Variants in ASIC4 observed in about 807,000 individuals in gnomAD.
ASIC4 encodes acid sensing ion channel subunit family member 4, also known as acid-sensing ion channel 4.
ASIC4 carries 28 observed loss-of-function variants against 53.4 expected under a neutral mutation model. That is an observed-to-expected ratio of 0.52 (90% confidence interval 0.39 to 0.72). ASIC4 has a LOEUF of 0.72. Ranked by LOEUF, ASIC4 falls within the 30% of genes least tolerant of loss-of-function variation. The pLI, the probability that ASIC4 is intolerant of heterozygous loss-of-function variation, is 0.00. For synonymous variants in ASIC4, 289 were observed against 301.4 expected (o/e 0.96, Z 0.43); for missense variants, 649 against 729.7 (o/e 0.89, Z 1.27).
chr2:219,532,947 C>T lies in ASIC4; in HGVS notation c.1075+8C>T. On this transcript the variant is annotated splice_region_variant and intron_variant, in intron 5 of 9. Coordinates refer to ENST00000358078, the MANE Select transcript of ASIC4 (RefSeq NM_018674.6). ...GTGCAGACCACACACTGGGTCCGTG[C>T]TGCCTACCCTTTCCTACCTCTCCAT... 1.9e-6 allele frequency: 3 copies of T among 1,613,666 alleles called. No individual in the cohort carries two copies. The highest frequency in any genetic ancestry group is 2.2e-5 in the South Asian group (2 of 91,080).
At chr2:219,533,811 T>C (rs1484112728) in intron 5 of ASIC4, 3 of 151,678 alleles carry the variant, frequency 2.0e-5, no homozygotes, top group African/African-American at 7.3e-5. Flanking sequence ...GGTCTGTGGA[T>C]CACTTGAGCC....
chr2:219,535,569 A>G (rs1161161102), intron 6 of ASIC4, among the ~76,000 whole-genome samples: 5 of 151,278 alleles, frequency 3.3e-5, no homozygotes, highest in Non-Finnish European at 7.4e-5. Context: ...GTGTGTGTGC[A>G]TGCACACTTA....
At chr2:219,527,512 G>A (rs1398913533) in intron 1 of ASIC4, among the ~76,000 whole-genome samples, 1 of 152,150 alleles carries the variant, frequency 6.6e-6, no homozygotes, top group Non-Finnish European at 1.5e-5. Context: ...ACCAGGTAGG[G>A]ACGCTGCCCC....
chr2:219,515,410 C>T (rs759066459), intron 1 of ASIC4, 104 bp downstream of exon 1: 57 of 1,363,484 alleles, frequency 4.2e-5, no homozygotes, highest in Non-Finnish European at 5.3e-5. Flanking sequence ...CAGGGCTTCC[C>T]TTCATTCCAC....
chr2:219,525,265 A>G (rs1327137448), intron 1 of ASIC4, among the ~76,000 whole-genome samples: 1 of 152,226 alleles, frequency 6.6e-6, no homozygotes, highest in African/African-American at 2.4e-5. Flanking sequence ...CACTTTGCAA[A>G]TGCCTTTCAC....
At chr2:219,511,929 G>A (rs1046883176), upstream of ASIC4, among the ~76,000 whole-genome samples, 1 of 152,020 alleles carries the variant, frequency 6.6e-6, no homozygotes, top group Non-Finnish European at 1.5e-5. The surrounding 1 kb of genome is among the most constrained non-coding windows in gnomAD (Gnocchi z 5.3). Context: ...CGGGGCCAGA[G>A]GCAAAGGGGG....
Position 219,538,007 on chromosome 2 carries a change from CGGTCCCCCAG to C in ASIC4, c.1583_1592del (p.Gly528GlufsTer14). 2 of 1,613,364 alleles carry C rather than the reference CGGTCCCCCAG, an allele frequency of 1.2e-6. No homozygotes were observed. Among genetic ancestry groups the C allele is most frequent in the East Asian group, 4.5e-5 (2 of 44,852 alleles). On this transcript the variant is annotated frameshift_variant, in exon 10 of 10. Transcript: ENST00000358078. LOFTEE classifies it high-confidence loss of function. ...TGCTCCCCAATCACCACCACCCCCACGGTCCCCCAGGAGGTCTCTTTGAAGATTTTGCTTG... is the reference window on the plus strand; with the variant it reads ...TGCTCCCCAATCACCACCACCCCCACGAGGTCTCTTTGAAGATTTTGCTTG...
rs1201804033 is a variant in ASIC4, at chr2:219,514,656, G to A, written c.-69G>A. On this transcript the variant is annotated 5_prime_UTR_variant, in exon 1 of 10. Transcript: ENST00000358078. ...GCTGCCACCACTGCCACTCGGGAGG[G>A]CACCAGGGCTGCTGGCTAGGGAGGG... 14 of 1,612,836 alleles carry A rather than the reference G, an allele frequency of 8.7e-6. No individual in the cohort carries two copies. The highest frequency in any genetic ancestry group is 1.7e-5 in the Admixed American group (1 of 59,892).
Position 219,514,608 on chromosome 2 carries a change from G to T in ASIC4, c.-117G>T. 1 of 1,603,850 alleles carries T rather than the reference G, an allele frequency of 6.2e-7. No homozygotes were observed. Among genetic ancestry groups the T allele is most frequent in the Non-Finnish European group, 8.5e-7 (1 of 1,175,308 alleles). ...CCCTGTCCCTGTCCTCTTCCCGCTT[G>T]CCCTGAGTTTAGAAGAGCAGCCGCT... On this transcript the variant is annotated 5_prime_UTR_variant, in exon 1 of 10. Transcript: ENST00000358078.
intron 3 of ASIC4, 39 bp from the exon 4 acceptor site, chr2:219,532,276 G>C (rs1305887488): frequency 6.3e-7 from 1 of 1,599,704 alleles, no homozygotes. Flanking sequence ...GACTGGGTGG[G>C]ATTCCTGAGC....
intron 6 of ASIC4, among the ~76,000 whole-genome samples, chr2:219,535,603 G>T (rs1364744442): frequency 2.0e-5 from 3 of 151,530 alleles, no homozygotes; most frequent in African/African-American, 7.3e-5. Flanking sequence ...CTGTGAATGG[G>T]TATGTGTGTG....
At chr2:219,509,445 G>A (rs904115126), upstream of ASIC4, among the ~76,000 whole-genome samples, 22 of 152,104 alleles carry the variant, frequency 1.4e-4, no homozygotes, top group African/African-American at 4.6e-4. This position sits in a 1 kb window ranked among gnomAD's most constrained non-coding sequence, Gnocchi z 5.2. Flanking sequence ...ACTGACACAC[G>A]CTCCCTCGTG....
intron 6 of ASIC4, among the ~76,000 whole-genome samples, chr2:219,535,875 C>T (rs188629144): frequency 2.0e-5 from 3 of 151,178 alleles, no homozygotes; most frequent in African/African-American, 4.9e-5. Flanking sequence ...CAGGTTCAAG[C>T]GATTCTTCTC....
At chr2:219,524,826 A>C (rs1694939390) in intron 1 of ASIC4, among the ~76,000 whole-genome samples, 1 of 152,224 alleles carries the variant, frequency 6.6e-6, no homozygotes. Context: ...GAGAGCCTGC[A>C]AGGTGCTTGA....
chr2:219,523,547 T>C (rs1405433446), intron 1 of ASIC4, among the ~76,000 whole-genome samples: 2 of 152,206 alleles, frequency 1.3e-5, no homozygotes, highest in African/African-American at 4.8e-5. Context: ...TATGCACGTG[T>C]AGAACTAAGC....
At chr2:219,508,475 G>A in the ASIC4 span, among the ~76,000 whole-genome samples, 3 of 152,080 alleles carry the variant, frequency 2.0e-5, no homozygotes, top group Non-Finnish European at 2.9e-5. Flanking sequence ...GGTGCCGCTA[G>A]CAAAGCTGAG....
chr2:219,508,578 C>T, the ASIC4 span, among the ~76,000 whole-genome samples: 1 of 151,870 alleles, frequency 6.6e-6, no homozygotes, highest in East Asian at 1.9e-4. Context: ...AGGACATGCC[C>T]CCCCCACTCC....
chr2:219,519,973 G>T (rs1191227230), intron 1 of ASIC4, among the ~76,000 whole-genome samples: 1 of 152,096 alleles, frequency 6.6e-6, no homozygotes, highest in Non-Finnish European at 1.5e-5. Flanking sequence ...ACATGACCTT[G>T]GTCTTTTCCA....
chr2:219,519,410 T>A (rs1694852180), intron 1 of ASIC4, among the ~76,000 whole-genome samples: 1 of 152,212 alleles, frequency 6.6e-6, no homozygotes, highest in Admixed American at 6.5e-5. Context: ...CTCCATTACC[T>A]AGTCATCGCC....
Sources: allele counts gnomAD v4.1 joint callset (sites outside exome capture counted in the v4.1 genomes callset), GRCh38; gene constraint gnomAD v4.1.1; non-coding constraint Gnocchi (gnomAD v3.1); transcripts MANE v1.5; gene names NCBI Gene and HGNC (gene_info 2026-07-23, HGNC 2026-07-21).